SFI1: variants seen among roughly 807,000 people sequenced by gnomAD.
SFI1 encodes the protein SFI1 centrin binding protein, also known as protein SFI1 homolog.
Under a neutral mutation model 207.5 loss-of-function variants are expected in SFI1, and 195 were observed. The ratio of observed to expected loss-of-function variants is 0.94; its 90% CI spans 0.84 to 1.06. SFI1 has a LOEUF of 1.06. SFI1 is among the 50% of genes least tolerant of loss of function. The pLI, the probability that SFI1 is intolerant of heterozygous loss-of-function variation, is 0.00. For synonymous variants in SFI1, 630 were observed against 598.9 expected (o/e 1.05, Z -0.76); for missense variants, 1,634 against 1,588.0 (o/e 1.03, Z -0.49).
intron 8 of SFI1, among the ~76,000 whole-genome samples, chr22:31,563,874 A>T (rs978195320): frequency 1.3e-5 from 2 of 150,726 alleles, no homozygotes; most frequent in Admixed American, 6.6e-5. Flanking sequence ...GGGGTGAGCC[A>T]CCACACCCAG....
rs1036101212 is a variant in SFI1, at chr22:31,595,154, G to A, written c.1544+5577G>A. Among the ~76,000 whole-genome samples the A allele has an allele frequency of 5.3e-4, 80 of 151,932 alleles. 1 individual carries two copies. The highest frequency in any genetic ancestry group is 3.9e-4 in the East Asian group (2 of 5,154). On this transcript the variant is annotated intron_variant, in intron 15 of 32. Transcript: ENST00000400288. ...TGGGATTACAGGTGTGCGCCACCAC[G>A]CCCGGCTAATTTTTTGTATCTTTAG...
chr22:31,599,021 T>G (rs1445284938), intron 15 of SFI1, among the ~76,000 whole-genome samples: 1 of 150,784 alleles, frequency 6.6e-6, no homozygotes, highest in Non-Finnish European at 1.5e-5. Context: ...CTCGAACTCC[T>G]AAGCTTGTGA....
chr22:31,506,595 C>T (rs772489392), intron 1 of SFI1, among the ~76,000 whole-genome samples: 118 of 152,108 alleles, frequency 7.8e-4, no homozygotes, highest in Non-Finnish European at 1.5e-3. Flanking sequence ...TGACATGATT[C>T]TGTATCTAGA....
chr22:31,576,601 G>A (rs1223543339), intron 10 of SFI1, among the ~76,000 whole-genome samples: 1 of 151,834 alleles, frequency 6.6e-6, no homozygotes, highest in Non-Finnish European at 1.5e-5. Context: ...GATTACCGGC[G>A]TGAGCCACCG....
At chr22:31,533,923 G>C (rs1490525532) in intron 4 of SFI1, among the ~76,000 whole-genome samples, 2 of 151,964 alleles carry the variant, frequency 1.3e-5, no homozygotes, top group Non-Finnish European at 2.9e-5. Flanking sequence ...TTTACTGACT[G>C]TCCAGATAAG....
intron 11 of SFI1, 32 bp from the exon 12 acceptor site, chr22:31,580,240 C>T: frequency 6.5e-7 from 1 of 1,537,846 alleles, no homozygotes; most frequent in Non-Finnish European, 9.0e-7. Context: ...GATCCCAGTC[C>T]TTGTAATCAG....
intron 24 of SFI1, chr22:31,612,406 T>C (rs948104882): frequency 2.9e-5 from 3 of 104,684 alleles, no homozygotes; most frequent in African/African-American, 1.2e-4. Flanking sequence ...AAAATATATA[T>C]ATATATATAT....
intron 15 of SFI1, among the ~76,000 whole-genome samples, chr22:31,598,092 C>G (rs986180451): frequency 6.6e-6 from 1 of 151,702 alleles, no homozygotes; most frequent in African/African-American, 2.4e-5. Context: ...ATTCTCCTGC[C>G]TCAGCCTCCT....
intron 14 of SFI1, 113 bp downstream of exon 14, chr22:31,585,247 G>C (rs2064875514): frequency 1.2e-6 from 1 of 841,992 alleles, no homozygotes; most frequent in Non-Finnish European, 1.8e-6. Context: ...TTCTGCTTTG[G>C]AAGAGAGGGT....
intron 15 of SFI1, among the ~76,000 whole-genome samples, chr22:31,596,955 CGCGCACACACG>C (rs1569429610): frequency 7.0e-5 from 10 of 142,224 alleles, no homozygotes; most frequent in East Asian, 2.1e-4. Flanking sequence ...GTACTGAAAA[CGCGCACACACG>C]GTACCCGTTT....
chr22:31,611,044 A>T, intron 22 of SFI1, 99 bp from the exon 23 acceptor site: 1 of 1,508,872 alleles, frequency 6.6e-7, no homozygotes, highest in Non-Finnish European at 9.2e-7. Context: ...CCTGAACTCT[A>T]TCCCTGCACA....
intron 11 of SFI1, among the ~76,000 whole-genome samples, chr22:31,579,307 C>A (rs5753701): frequency 6.6e-6 from 1 of 151,234 alleles, no homozygotes; most frequent in Non-Finnish European, 1.5e-5. Flanking sequence ...CCATGCCCAA[C>A]TAATTTTTTA....
intron 12 of SFI1, among the ~76,000 whole-genome samples, chr22:31,581,756 T>C (rs2064204099): frequency 6.6e-6 from 1 of 152,062 alleles, no homozygotes. Context: ...TGTTTAAACA[T>C]ACAGAAAAAT....
At position 31,608,872 on chromosome 22, in the gene SFI1, G is replaced by T. The variant is rs1436227191; in HGVS notation, c.2254+839G>T. Among the ~76,000 whole-genome samples, 4 of 152,192 alleles carry T rather than the reference G, an allele frequency of 2.6e-5. No individual in the cohort carries two copies. In the East Asian group the frequency reaches 7.9e-4, roughly 30 times the overall value. ...CTTTGGAAAGATTGCAGGGCACAGT[G>T]GTACACACCTATAGTCCCAGCTACT... On this transcript the variant is annotated intron_variant, in intron 22 of 32. Transcript: ENST00000400288.
intron 2 of SFI1, among the ~76,000 whole-genome samples, chr22:31,519,971 G>A (rs983691923): frequency 3.3e-5 from 5 of 151,522 alleles, no homozygotes; most frequent in African/African-American, 9.7e-5. Context: ...TTCACCTGTT[G>A]CCCAGGGTGG....
intron 2 of SFI1, among the ~76,000 whole-genome samples, chr22:31,519,861 T>C (rs1338518899): frequency 2.0e-5 from 3 of 152,064 alleles, no homozygotes; most frequent in African/African-American, 7.2e-5. Flanking sequence ...CATGAGTCAC[T>C]GCCTGGCCAA....
At chr22:31,547,622 T>TG (rs1200588065) in intron 5 of SFI1, among the ~76,000 whole-genome samples, 1 of 113,536 alleles carries the variant, frequency 8.8e-6, no homozygotes, top group African/African-American at 3.8e-5. Flanking sequence ...GTTTTTTTTG[T>TG]TTTTTTTTGT....
chr22:31,561,479 C>T (rs1301740154), intron 8 of SFI1, 87 bp downstream of exon 8: 19 of 1,128,102 alleles, frequency 1.7e-5, no homozygotes, highest in Non-Finnish European at 2.4e-5. Context: ...GCCTTCCCTG[C>T]AGCTCAGGGC....
chr22:31,516,510 AAAAG>A (rs375433638), intron 2 of SFI1, among the ~76,000 whole-genome samples: 160 of 150,262 alleles, frequency 1.1e-3, no homozygotes, highest in African/African-American at 3.3e-3. Flanking sequence ...GAAACTCTCA[AAAAG>A]AAAGAAAGAA....
Sources: allele counts gnomAD v4.1 joint callset (sites outside exome capture counted in the v4.1 genomes callset), GRCh38; gene constraint gnomAD v4.1.1; transcripts MANE v1.5; gene names NCBI Gene and HGNC (gene_info 2026-07-23, HGNC 2026-07-21).